The following RCAN1 variants were observed in gnomAD, a reference collection of about 807,000 sequenced individuals.
RCAN1 encodes the protein calcipressin-1.
RCAN1 carries 11 observed loss-of-function variants against 22.9 expected under a neutral mutation model. That is an observed-to-expected ratio of 0.48 (90% CI 0.30 to 0.79). The LOEUF is 0.79. Among genes scored for constraint, RCAN1 ranks in the 30% least tolerant of loss-of-function variants. The pLI is 0.06. For missense variants in RCAN1, 291 were observed against 337.8 expected (o/e 0.86, Z 1.09); for synonymous variants, 136 against 142.3 (o/e 0.96, Z 0.32).
chr21:34,581,752 A>G (rs1236662679), intron 1 of RCAN1, among the ~76,000 whole-genome samples: 1 of 152,236 alleles, frequency 6.6e-6, no homozygotes, highest in Non-Finnish European at 1.5e-5. Context: ...ATTCATGAAA[A>G]AAATCTTTGA....
At chr21:34,612,856 A>G (rs1781550928) in intron 1 of RCAN1, among the ~76,000 whole-genome samples, 1 of 152,174 alleles carries the variant, frequency 6.6e-6, no homozygotes, top group African/African-American at 2.4e-5. Flanking sequence ...CCAATTCACC[A>G]GCTCTTCAAC....
At chr21:34,583,473 G>A (rs1987689052) in intron 1 of RCAN1, among the ~76,000 whole-genome samples, 2 of 152,176 alleles carry the variant, frequency 1.3e-5, no homozygotes, top group African/African-American at 2.4e-5. Flanking sequence ...TTAAAATGAG[G>A]TCATGAGGGT....
At position 34,568,303 on chromosome 21, in the gene RCAN1, T is replaced by C. The variant is rs567560935; in HGVS notation, c.253-44593A>G. Among the ~76,000 whole-genome samples, 4 of 152,320 alleles carry C rather than the reference T, an allele frequency of 2.6e-5. No homozygotes were observed. The South Asian group carries it at 8.3e-4, about 32-fold the overall frequency. ...GGAACTAAAAGTGCTCTACCTTTGA[T>C]GCAAATCTCCCCCCTGCCTCCCACA... is the stretch of plus-strand genomic sequence containing the variant. On this transcript the variant is annotated intron_variant, in intron 1 of 3. Coordinates refer to ENST00000313806, the MANE Select transcript of RCAN1 (RefSeq NM_004414.7).
chr21:34,576,575 C>T (rs146400353), intron 1 of RCAN1, among the ~76,000 whole-genome samples: 26 of 152,190 alleles, frequency 1.7e-4, no homozygotes, highest in African/African-American at 5.5e-4. Flanking sequence ...AAAAATAAAA[C>T]GCAAATCAGC....
chr21:34,553,083 C>A (rs1214209718), intron 1 of RCAN1, among the ~76,000 whole-genome samples: 1 of 152,110 alleles, frequency 6.6e-6, no homozygotes, highest in African/African-American at 2.4e-5. Context: ...TAGAAGCGGC[C>A]AGACAAGGGG....
rs370435475 is a variant in RCAN1, at chr21:34,569,718, C to T, written c.252+45042G>A. On this transcript the variant is annotated intron_variant, in intron 1 of 3. Coordinates refer to ENST00000313806, the MANE Select transcript of RCAN1 (RefSeq NM_004414.7). ...CACAATTTAAGCACATCCTGTGTGC[C>T]AGCAACTGTGCTAGGTGTTTATATA... Among the ~76,000 whole-genome samples, 2 of 152,348 alleles carry T rather than the reference C, an allele frequency of 1.3e-5. 1 individual carries two copies. Among genetic ancestry groups the T allele is most frequent in the East Asian group, 3.8e-4 (2 of 5,196 alleles).
At chr21:34,529,133 C>G (rs1023284923) in intron 1 of RCAN1, among the ~76,000 whole-genome samples, 1 of 152,130 alleles carries the variant, frequency 6.6e-6, no homozygotes, top group Non-Finnish European at 1.5e-5. Context: ...ATTTTTAGAT[C>G]AGGAGTAAGA....
chr21:34,567,233 C>T (rs558228661), intron 1 of RCAN1, among the ~76,000 whole-genome samples: 6 of 152,188 alleles, frequency 3.9e-5, no homozygotes, highest in East Asian at 1.9e-4. Flanking sequence ...CGGTGGCTCA[C>T]GCCTGTAATC....
At chr21:34,548,237 T>A (rs568976809) in intron 1 of RCAN1, among the ~76,000 whole-genome samples, 1 of 152,240 alleles carries the variant, frequency 6.6e-6, no homozygotes, top group Non-Finnish European at 1.5e-5. Flanking sequence ...CAACTGCATT[T>A]TACTACTCTT....
rs146223553 is a variant in RCAN1 at position 34,538,723 on chromosome 21, G to A, written c.253-15013C>T. Among the ~76,000 whole-genome samples, 429 of 152,288 alleles carry A rather than the reference G, an allele frequency of 2.8e-3. 1 individual carries two copies. Among genetic ancestry groups the A allele is most frequent in the African/African-American group, 9.1e-3 (378 of 41,554 alleles). ...GAGGACCGGGCCTTGATACCCCCAC[G>A]TTGGTCAGTTCTGGGAAGGGGCTAC... On this transcript the variant is annotated intron_variant, in intron 1 of 3. Coordinates refer to ENST00000313806, the MANE Select transcript of RCAN1 (RefSeq NM_004414.7).
chr21:34,521,722 A>C, intron 2 of RCAN1, 64 bp from the exon 3 acceptor site: 1 of 1,381,450 alleles, frequency 7.2e-7, no homozygotes. Flanking sequence ...AGGCAACAGC[A>C]CCTAACGCCA....
rs1986012447 is a variant in RCAN1, at chr21:34,543,651, C to T, written c.253-19941G>A. 2.6e-5 allele frequency among the ~76,000 whole-genome samples: 4 copies of T among 152,342 alleles called. 1 individual carries two copies. The South Asian group carries it at 8.3e-4, about 32-fold the overall frequency. On this transcript the variant is annotated intron_variant, in intron 1 of 3. Transcript: ENST00000313806. ...GGTAGCTTTATAGAACATCCAGCAGCTAGAATGTTCAAAGGAAGTTGGGCT... is the reference window on the plus strand; with the variant it reads ...GGTAGCTTTATAGAACATCCAGCAGTTAGAATGTTCAAAGGAAGTTGGGCT...
At chr21:34,563,312 A>G (rs1986863203) in intron 1 of RCAN1, among the ~76,000 whole-genome samples, 1 of 152,208 alleles carries the variant, frequency 6.6e-6, no homozygotes, top group Non-Finnish European at 1.5e-5. Context: ...CTGGAAAACC[A>G]TTTGACAAAA....
intron 1 of RCAN1, among the ~76,000 whole-genome samples, chr21:34,612,442 A>T (rs1223398271): frequency 6.6e-6 from 1 of 152,066 alleles, no homozygotes; most frequent in Non-Finnish European, 1.5e-5. Flanking sequence ...CTTCCTGTCA[A>T]CCTGGTCCAG....
intron 1 of RCAN1, among the ~76,000 whole-genome samples, chr21:34,594,640 G>A (rs1013359429): frequency 6.6e-6 from 1 of 152,152 alleles, no homozygotes; most frequent in Non-Finnish European, 1.5e-5. Flanking sequence ...ACTTGCATTT[G>A]ACAGTCGTAA....
At chr21:34,541,755 A>C (rs2123625428) in intron 1 of RCAN1, among the ~76,000 whole-genome samples, 1 of 152,312 alleles carries the variant, frequency 6.6e-6, no homozygotes, top group South Asian at 2.1e-4. Context: ...TAACACGGTG[A>C]AACACTGTCT....
chr21:34,592,835 C>T (rs1315157925), intron 1 of RCAN1, among the ~76,000 whole-genome samples: 1 of 152,168 alleles, frequency 6.6e-6, no homozygotes, highest in Non-Finnish European at 1.5e-5. Flanking sequence ...TATCAATCTA[C>T]AACTACAGGA....
chr21:34,531,049 G>A (rs753679819), intron 1 of RCAN1, among the ~76,000 whole-genome samples: 1 of 152,170 alleles, frequency 6.6e-6, no homozygotes, highest in South Asian at 2.1e-4. Context: ...TGGTCTAAAA[G>A]GCATTATTAA....
At chr21:34,613,643 A>G (rs1988738168) in intron 1 of RCAN1, 3 of 1,008,106 alleles carry the variant, frequency 3.0e-6, no homozygotes, top group South Asian at 3.4e-5. Context: ...AAAAGGTTTT[A>G]GAGTAAGATC....
Sources: allele counts gnomAD v4.1 joint callset (sites outside exome capture counted in the v4.1 genomes callset), GRCh38; gene constraint gnomAD v4.1.1; transcripts MANE v1.5; gene names NCBI Gene and HGNC (gene_info 2026-07-23, HGNC 2026-07-21).